Variants in SLC26A5 observed in about 807,000 individuals in gnomAD.
SLC26A5 encodes solute carrier family 26 member 5.
Under a neutral mutation model 81.0 loss-of-function variants are expected in SLC26A5, and 51 were observed. The observed-to-expected ratio is 0.63, with a 90% confidence interval of 0.50 to 0.80. SLC26A5 has a LOEUF of 0.80. Ranked by LOEUF, SLC26A5 falls within the 30% of genes least tolerant of loss-of-function variation. The probability of loss-of-function intolerance (pLI) is 0.00; values close to 1 mark genes in which losing one functional copy is unlikely to be tolerated. For missense variants in SLC26A5, 771 were observed against 905.8 expected (o/e 0.85, Z 1.91); for synonymous variants, 325 against 332.8 (o/e 0.98, Z 0.25).
chr7:103,374,704 T>TC (rs1315096087), intron 19 of SLC26A5, 112 bp from the exon 20 acceptor site: 1 of 1,113,446 alleles, frequency 9.0e-7, no homozygotes, highest in East Asian at 2.6e-5. Context: ...GTTTTTTGTT[T>TC]CTTTTTTTTT....
intron 16 of SLC26A5, 142 bp from the exon 17 acceptor site, chr7:103,378,695 G>A (rs370802612): frequency 1.3e-6 from 1 of 757,162 alleles, no homozygotes; most frequent in Non-Finnish European, 2.3e-6. Context: ...TTCCCTCAGA[G>A]GCCCTGAACT....
At chr7:103,361,762 T>G (rs1021691752) in intron 19 of SLC26A5, among the ~76,000 whole-genome samples, 1 of 152,164 alleles carries the variant, frequency 6.6e-6, no homozygotes, top group Non-Finnish European at 1.5e-5. Flanking sequence ...GAGAATGTAT[T>G]TGAAAATTTT....
In SLC26A5 at chr7:103,379,290, T is replaced by C. The variant is rs1024496923; in HGVS notation, c.1630A>G (p.Ile544Val). ...GIKIFQINAP[I>V]YYANSDLYSN... ...TACAAGTCGCTATTTGCATAGTAAATTGGTGCATTTATTTGAAATATTTTT... is the reference window on the plus strand; with the variant it reads ...TACAAGTCGCTATTTGCATAGTAAACTGGTGCATTTATTTGAAATATTTTT... The change falls in exon 16 of 20, where the codon ATT becomes GTT. Residue 544 changes from isoleucine (I) to valine (V), a missense_variant. By Grantham distance (29) the Ile-to-Val change is conservative (BLOSUM62 3). Transcript: ENST00000306312. 8.7e-6 allele frequency: 14 copies of C among 1,611,532 alleles called. No individual in the cohort carries two copies. The highest frequency in any genetic ancestry group is 1.1e-5 in the Non-Finnish European group (13 of 1,177,976).
intron 9 of SLC26A5, 39 bp from the exon 10 acceptor site, chr7:103,393,105 C>G: frequency 6.2e-7 from 1 of 1,612,414 alleles, no homozygotes; most frequent in Non-Finnish European, 8.5e-7. Flanking sequence ...GTTGTGACCA[C>G]AAGGGAAAAG....
intron 2 of SLC26A5, among the ~76,000 whole-genome samples, chr7:103,422,040 C>T (rs1215932777): frequency 6.6e-6 from 1 of 152,188 alleles, no homozygotes; most frequent in South Asian, 2.1e-4. Flanking sequence ...TTTAGGCTTA[C>T]ATGTCTGTTT....
chr7:103,384,323 C>T lies in SLC26A5; in HGVS notation c.1515-3774G>A, dbSNP rs146749634. Among the ~76,000 whole-genome samples, 1,021 of 151,668 alleles carry T rather than the reference C, an allele frequency of 6.7e-3. 18 individuals are homozygous for T. Among genetic ancestry groups the T allele is most frequent in the African/African-American group, 0.023 (939 of 41,380 alleles). ...TTTTTTGAAGATGGATTATAAAATG[C>T]TGATTGAGGCTGGGCGCGGTGGCTC... On this transcript the variant is annotated intron_variant, in intron 14 of 19. Coordinates refer to ENST00000306312, the MANE Select transcript of SLC26A5 (RefSeq NM_198999.3).
At position 103,421,209 on chromosome 7, in the gene SLC26A5, G is replaced by T. The variant is rs779593204; in HGVS notation, c.152+154C>A. Among the ~76,000 whole-genome samples, 4 of 152,152 alleles carry T rather than the reference G, an allele frequency of 2.6e-5. No individual in the cohort carries two copies. In the East Asian group the frequency reaches 5.8e-4, roughly 22 times the overall value. On this transcript the variant is annotated intron_variant, in intron 3 of 19. Coordinates refer to ENST00000306312, the MANE Select transcript of SLC26A5 (RefSeq NM_198999.3). Reference sequence around the variant, plus strand: ...TGAAGCCTGTGTGCAAATATCTAACGCTGACTGAACCTCGTGAACAGCTTT... The same window carrying T: ...TGAAGCCTGTGTGCAAATATCTAACTCTGACTGAACCTCGTGAACAGCTTT...
At chr7:103,406,977 C>T (rs1365928256) in intron 8 of SLC26A5, among the ~76,000 whole-genome samples, 5 of 152,126 alleles carry the variant, frequency 3.3e-5, no homozygotes, top group Non-Finnish European at 7.4e-5. Flanking sequence ...TTATCCTTGC[C>T]GCTCCCACAC....
chr7:103,397,870 G>C lies in SLC26A5; in HGVS notation c.971+62C>G. The C allele has an allele frequency of 4.1e-6, 5 of 1,207,882 alleles. No individual in the cohort carries two copies. The South Asian group carries it at 4.8e-5, about 12-fold the overall frequency. 74.8% of individuals were successfully genotyped at this position (1,207,882 alleles called of 1,614,324 possible). On this transcript the variant is annotated intron_variant, in intron 9 of 19. Coordinates refer to ENST00000306312, the MANE Select transcript of SLC26A5 (RefSeq NM_198999.3). ...TCATTGCAAGAGAACTAATGTAAGA[G>C]TTAGAGGCAATAGATCCATTGATTA...
intron 14 of SLC26A5, among the ~76,000 whole-genome samples, chr7:103,385,478 G>A (rs909491593): frequency 4.6e-5 from 7 of 151,878 alleles, no homozygotes; most frequent in African/African-American, 1.2e-4. Flanking sequence ...TCAAACAAAC[G>A]GCCAAACCCA....
Position 103,389,468 on chromosome 7 carries a change from A to G in SLC26A5, c.1312-44T>C, listed in dbSNP as rs62482415. On this transcript the variant is annotated intron_variant, in intron 12 of 19. Coordinates refer to ENST00000306312, the MANE Select transcript of SLC26A5 (RefSeq NM_198999.3). ...CCCATGCCTCTCCTCTTGTGTCCACAGAGTGTCCTTTGCTGGTTCCTCACT... is the reference window on the plus strand; with the variant it reads ...CCCATGCCTCTCCTCTTGTGTCCACGGAGTGTCCTTTGCTGGTTCCTCACT... 0.14 allele frequency: 207,190 copies of G among 1,439,138 alleles called. 15,869 individuals carry two copies. Among genetic ancestry groups the G allele is most frequent in the South Asian group, 0.18 (15,938 of 87,412 alleles). 89.1% of individuals were successfully genotyped at this position (1,439,138 alleles called of 1,614,324 possible). A position where few individuals can be genotyped will look rare whatever the true frequency, so the allele number is the denominator to read the frequency against.
At chr7:103,386,423 C>T (rs900386007) in intron 14 of SLC26A5, among the ~76,000 whole-genome samples, 2 of 151,706 alleles carry the variant, frequency 1.3e-5, no homozygotes, top group African/African-American at 4.8e-5. Flanking sequence ...AAAAATTGGC[C>T]GGGCGTGGTG....
In SLC26A5 at chr7:103,367,555, A is replaced by G. The variant is rs1480514948; in HGVS notation, c.2041+9253T>C. ...CTAACAGACCTGATACTTTGGATCC[A>G]GCACTGATGAGGCCAGGGAGATTGG... On this transcript the variant is annotated intron_variant, in intron 19 of 19. Coordinates refer to the SLC26A5 transcript ENST00000339444. This position sits in a 1 kb window ranked among gnomAD's most constrained non-coding sequence, Gnocchi z 6.1. 3.7e-6 allele frequency: 6 copies of G among 1,614,214 alleles called. No individual in the cohort carries two copies. Among genetic ancestry groups the G allele is most frequent in the Non-Finnish European group, 4.2e-6 (5 of 1,180,044 alleles).
chr7:103,433,549 A>G (rs1826229843), intron 2 of SLC26A5: 2 of 152,292 alleles, frequency 1.3e-5, no homozygotes, highest in African/African-American at 4.8e-5. Context: ...ATACCACTGC[A>G]CTTGGACCAG....
intron 7 of SLC26A5, 100 bp downstream of exon 7, chr7:103,410,285 A>G: frequency 9.2e-7 from 1 of 1,084,634 alleles, no homozygotes; most frequent in Non-Finnish European, 1.4e-6. Flanking sequence ...ATTACTGGAG[A>G]AAAAGAAAAA....
At chr7:103,401,178 G>A (rs10435336) in intron 8 of SLC26A5, among the ~76,000 whole-genome samples, 114,935 of 152,080 alleles carry the variant, frequency 0.76, 43,898 homozygotes, top group Middle Eastern at 0.85. Flanking sequence ...CCATTTTCAC[G>A]ATTTTGATTC....
At chr7:103,443,612 G>A (rs1827044307) in intron 1 of SLC26A5, among the ~76,000 whole-genome samples, 1 of 152,186 alleles carries the variant, frequency 6.6e-6, no homozygotes, top group East Asian at 1.9e-4. Context: ...TAATGTTCAA[G>A]ATAAGAGTTG....
chr7:103,439,578 G>C (rs1426946586), intron 2 of SLC26A5, among the ~76,000 whole-genome samples: 1 of 152,058 alleles, frequency 6.6e-6, no homozygotes, highest in African/African-American at 2.4e-5. Flanking sequence ...CTGTTGCCCA[G>C]GCTGGAGTGC....
intron 2 of SLC26A5, among the ~76,000 whole-genome samples, chr7:103,436,076 T>C (rs984686109): frequency 6.6e-6 from 1 of 152,146 alleles, no homozygotes; most frequent in Non-Finnish European, 1.5e-5. Flanking sequence ...TTATGTTTGA[T>C]GGTAGAATTA....
Sources: gnomAD v4.1 joint callset for allele counts (sites outside exome capture counted in the v4.1 genomes callset) on GRCh38, gnomAD v4.1.1 for gene constraint, Gnocchi (gnomAD v3.1) non-coding constraint, MANE v1.5 for transcripts, NCBI Gene and HGNC (gene_info 2026-07-23, HGNC 2026-07-21) for gene names.